TDRD7: variants seen among roughly 807,000 people sequenced by gnomAD.
TDRD7 encodes the protein tudor domain-containing protein 7.
TDRD7 carries 47 observed loss-of-function variants against 109.8 expected under a neutral mutation model. That is an observed-to-expected ratio of 0.43 (90% CI 0.34 to 0.55). The LOEUF (loss-of-function observed/expected upper bound fraction) is 0.55. Among genes scored for constraint, TDRD7 ranks in the 20% least tolerant of loss-of-function variants. The pLI is 0.03. For missense variants in TDRD7, 1,164 were observed against 1,319.2 expected, an observed-to-expected ratio of 0.88 and a Z score of 1.82; for synonymous variants, 424 against 457.3, an observed-to-expected ratio of 0.93 and a Z score of 0.93.
chr9:97,431,423 A>AT (rs1340819377), intron 3 of TDRD7, among the ~76,000 whole-genome samples: 1 of 152,194 alleles, frequency 6.6e-6, no homozygotes, highest in Non-Finnish European at 1.5e-5. Flanking sequence ...TATTTGACAA[A>AT]TTATGTCTTC....
chr9:97,446,900 A>G (rs1828411311), intron 6 of TDRD7, among the ~76,000 whole-genome samples: 1 of 152,242 alleles, frequency 6.6e-6, no homozygotes, highest in Non-Finnish European at 1.5e-5. Flanking sequence ...CCTCAGGCTT[A>G]GTGGTATTGA....
intron 6 of TDRD7, among the ~76,000 whole-genome samples, chr9:97,452,220 AAG>A: frequency 6.6e-6 from 1 of 152,270 alleles, no homozygotes; most frequent in African/African-American, 2.4e-5. Context: ...CCTTAACAAA[AAG>A]AGAGAGAGAA....
chr9:97,454,121 T>G (rs1448024761), intron 6 of TDRD7, among the ~76,000 whole-genome samples: 1 of 152,166 alleles, frequency 6.6e-6, no homozygotes, highest in Non-Finnish European at 1.5e-5. Flanking sequence ...TGGCACTTAT[T>G]CTGAAATTGA....
chr9:97,425,173 A>C (rs1827966456), intron 1 of TDRD7, among the ~76,000 whole-genome samples: 1 of 152,144 alleles, frequency 6.6e-6, no homozygotes, highest in African/African-American at 2.4e-5. Context: ...GTATGATTAC[A>C]TAGGTGTGTA....
chr9:97,491,020 A>G (rs1486812688), intron 16 of TDRD7, among the ~76,000 whole-genome samples: 10 of 150,484 alleles, frequency 6.6e-5, no homozygotes, highest in Non-Finnish European at 1.0e-4. Flanking sequence ...GGTTCAAGCA[A>G]TTCTTCTGCC....
Position 97,460,363 on chromosome 9 carries a change from C to T in TDRD7, c.1041C>T (p.Asp347=), listed in dbSNP as rs1287637801. 1.9e-6 allele frequency: 3 copies of T among 1,614,160 alleles called. No homozygotes were observed. Among genetic ancestry groups the T allele is most frequent in the South Asian group, 2.2e-5 (2 of 91,086 alleles). The change falls in exon 7 of 17, where the codon GAC becomes GAT. Residue 347 remains aspartate (D), a synonymous_variant. Coordinates refer to ENST00000355295, the MANE Select transcript of TDRD7 (RefSeq NM_014290.3). ...GAGACTTTAAAGAAAAAGTGGCAGA[C>T]CTGCTGGTGAAATACACAAGTGGCC... The part of the protein sequence containing the change: ...MAGDFKEKVA[D]LLVKYTSGLW...
intron 6 of TDRD7, among the ~76,000 whole-genome samples, chr9:97,453,301 TAAC>T (rs1284457924): frequency 6.6e-6 from 1 of 151,984 alleles, no homozygotes; most frequent in Non-Finnish European, 1.5e-5. Flanking sequence ...AAGTGCTGCA[TAAC>T]AACATTTTGG....
rs1322178474 is a variant in TDRD7 at position 97,455,890 on chromosome 9, G to C, written c.856-4288G>C. ...GAAGAGAGGGAGCCAAGTTGTCTCT[G>C]TTTGCAGATGACATGATTTTATATT... On this transcript the variant is annotated intron_variant, in intron 6 of 16. Coordinates refer to ENST00000355295, the MANE Select transcript of TDRD7 (RefSeq NM_014290.3). Among the ~76,000 whole-genome samples the C allele has an allele frequency of 2.6e-5, 4 of 152,298 alleles. No homozygotes were observed. In the South Asian group the frequency reaches 6.2e-4, roughly 24 times the overall value.
chr9:97,484,245 TC>T (rs1238626360), intron 15 of TDRD7, among the ~76,000 whole-genome samples: 32 of 152,170 alleles, frequency 2.1e-4, no homozygotes, highest in Admixed American at 1.7e-3. Context: ...CAGTGTTTTT[TC>T]TAATATTTTC....
chr9:97,425,282 A>G (rs1193577355), intron 1 of TDRD7, among the ~76,000 whole-genome samples: 1 of 152,202 alleles, frequency 6.6e-6, no homozygotes, highest in Non-Finnish European at 1.5e-5. Flanking sequence ...GTCTTGTGCC[A>G]ATAACAATGT....
chr9:97,451,429 A>G (rs1484252592), intron 6 of TDRD7, among the ~76,000 whole-genome samples: 1 of 152,108 alleles, frequency 6.6e-6, no homozygotes, highest in African/African-American at 2.4e-5. Context: ...TGCTGGGATT[A>G]TAGATGCACA....
At chr9:97,420,515 T>C (rs1827882476) in intron 1 of TDRD7, among the ~76,000 whole-genome samples, 1 of 152,226 alleles carries the variant, frequency 6.6e-6, no homozygotes, top group Admixed American at 6.5e-5. Flanking sequence ...TTTTCCAGAA[T>C]GTTCACATAA....
rs1025319101 is a variant in TDRD7, at chr9:97,475,258, A to G, written c.2080-125A>G. The stretch of plus-strand genomic sequence containing the variant: ...ATAACCCTGTGTGTTTGCTGCATCC[A>G]TTGCTGGAAGTCTGACTACATGTCG... On this transcript the variant is annotated intron_variant, in intron 11 of 16. Coordinates refer to ENST00000355295, the MANE Select transcript of TDRD7 (RefSeq NM_014290.3). 5.3e-6 allele frequency: 4 copies of G among 758,294 alleles called. No homozygotes were observed. The African/African-American group carries it at 6.9e-5, about 13-fold the overall frequency. The allele number at this position is 758,294 out of a possible 1,614,324, so 47.0% of individuals were successfully genotyped here.
chr9:97,476,092 G>T (rs563270792), intron 12 of TDRD7, among the ~76,000 whole-genome samples: 35 of 152,150 alleles, frequency 2.3e-4, no homozygotes, highest in Admixed American at 2.1e-3. Flanking sequence ...GAGTTTCTAG[G>T]TATTGGGAAT....
intron 15 of TDRD7, among the ~76,000 whole-genome samples, chr9:97,486,036 G>A (rs1339264892): frequency 1.3e-5 from 2 of 152,104 alleles, no homozygotes; most frequent in Non-Finnish European, 2.9e-5. Context: ...CAGCTGCATG[G>A]GTTTCCTATA....
intron 2 of TDRD7, among the ~76,000 whole-genome samples, chr9:97,429,666 C>G (rs112268849): frequency 1.3e-5 from 2 of 152,322 alleles, no homozygotes; most frequent in African/African-American, 4.8e-5. Flanking sequence ...CATCCCTGAT[C>G]GTTCCAGACA....
In TDRD7 at chr9:97,495,907, A is replaced by G. The variant is rs370805432; in HGVS notation, c.*24A>G. 53 of 1,594,780 alleles carry G rather than the reference A, an allele frequency of 3.3e-5. No homozygotes were observed. Among genetic ancestry groups the G allele is most frequent in the Non-Finnish European group, 4.5e-5 (52 of 1,163,106 alleles). On this transcript the variant is annotated 3_prime_UTR_variant, in exon 17 of 17. Coordinates refer to ENST00000355295, the MANE Select transcript of TDRD7 (RefSeq NM_014290.3). Reference sequence around the variant, plus strand: ...AATGACTGCCTCTGAAACCTTGACAACTAATTCAGATTTTTTAGCAATAAC... The same window carrying G: ...AATGACTGCCTCTGAAACCTTGACAGCTAATTCAGATTTTTTAGCAATAAC...
rs765945047 is a variant in TDRD7, at chr9:97,441,686, C to A, written c.666C>A (p.Pro222=). The A allele has an allele frequency of 1.2e-6, 2 of 1,611,936 alleles. No homozygotes were observed. Among genetic ancestry groups the A allele is most frequent in the Non-Finnish European group, 8.5e-7 (1 of 1,179,540 alleles). The change falls in exon 6 of 17, where the codon CCC becomes CCA. Residue 222 remains proline (P), a synonymous_variant. Coordinates refer to ENST00000355295, the MANE Select transcript of TDRD7 (RefSeq NM_014290.3). ...ATTTAAATCAGACTGTTGAAAAACCCAATGTCAAGCCTCCTGCCTCTTACA... is the reference window on the plus strand; with the variant it reads ...ATTTAAATCAGACTGTTGAAAAACCAAATGTCAAGCCTCCTGCCTCTTACA... The part of the protein sequence containing the change: ...SDNLNQTVEK[P]NVKPPASYTY...
intron 8 of TDRD7, among the ~76,000 whole-genome samples, chr9:97,467,385 G>C (rs559315121): frequency 1.3e-5 from 2 of 152,138 alleles, no homozygotes; most frequent in African/African-American, 4.8e-5. Flanking sequence ...TCAGGCTCTC[G>C]TGTCAGATAG....
Sources: allele counts gnomAD v4.1 joint callset (sites outside exome capture counted in the v4.1 genomes callset), GRCh38; gene constraint gnomAD v4.1.1; transcripts MANE v1.5; gene names NCBI Gene and HGNC (gene_info 2026-07-23, HGNC 2026-07-21).